Variants in BTF3 observed in about 807,000 individuals in gnomAD.
BTF3 encodes basic transcription factor 3.
A neutral mutation model predicts 23.9 loss-of-function variants in BTF3; 12 were observed. The ratio of observed to expected loss-of-function variants is 0.50; its 90% CI spans 0.32 to 0.81. The LOEUF is 0.81. Among genes scored for constraint, BTF3 ranks in the 40% least tolerant of loss-of-function variants. The pLI is 0.03. For missense variants in BTF3, 215 were observed against 255.9 expected (o/e 0.84, Z 1.09); for synonymous variants, 96 against 94.8 (o/e 1.01, Z -0.07).
chr5:73,500,919 G>T (rs1417219036), intron 2 of BTF3, among the ~76,000 whole-genome samples: 6 of 149,484 alleles, frequency 4.0e-5, no homozygotes, highest in African/African-American at 1.5e-4. Context: ...GGAGAGGTTA[G>T]TAACCAGTAC....
In BTF3 at chr5:73,498,643, C is replaced by A. The variant is rs924035735; in HGVS notation, c.-25C>A. On this transcript the variant is annotated 5_prime_UTR_variant, in exon 1 of 6. Coordinates refer to ENST00000380591, the MANE Select transcript of BTF3 (RefSeq NM_001037637.2). ...CCTGAAGGAGCGAGACAGGGAGGGA[C>A]AGGGCAGAGGAGGAGAGGAAGGCGA... is the stretch of plus-strand genomic sequence containing the variant. 1 of 1,480,000 alleles carries A rather than the reference C, an allele frequency of 6.8e-7. No individual in the cohort carries two copies. The highest frequency in any genetic ancestry group is 1.3e-5 in the South Asian group (1 of 74,430). 91.7% of individuals were successfully genotyped at this position (1,480,000 alleles called of 1,614,324 possible).
At position 73,503,074 on chromosome 5, in the gene BTF3, T is replaced by A. The variant is rs1318635089; in HGVS notation, c.474T>A (p.Ser158Arg). The stretch of plus-strand genomic sequence containing the variant: ...TCTTAAACCAGCTTGGTGCGGATAG[T>A]CTGACTAGTTTAAGGAGACTGGCCG... ...PSILNQLGADSLTSLRRLAEA... is the reference protein window; with the variant it reads ...PSILNQLGADRLTSLRRLAEA... Residue 158 changes from serine (S) to arginine (R), a missense_variant, in exon 4 of 6, where the codon AGT becomes AGA. Ser to Arg is a moderately radical substitution (Grantham distance 110, BLOSUM62 -1). Transcript: ENST00000380591. The A allele has an allele frequency of 1.9e-6, 3 of 1,614,070 alleles. No homozygotes were observed. The highest frequency in any genetic ancestry group is 2.2e-5 in the South Asian group (2 of 91,084).
At chr5:73,505,136 A>C in intron 5 of BTF3, 56 bp from the exon 6 acceptor site, 1 of 1,395,822 alleles carries the variant, frequency 7.2e-7, no homozygotes, top group Non-Finnish European at 1.0e-6. Flanking sequence ...TTAATATCTG[A>C]TAATTATTTG....
intron 4 of BTF3, among the ~76,000 whole-genome samples, chr5:73,503,441 T>C (rs1348250858): frequency 6.6e-6 from 1 of 152,210 alleles, no homozygotes. Flanking sequence ...AAAAAAAAAT[T>C]AGTGTAAATT....
At chr5:73,501,629 G>T (rs1330002854) in intron 2 of BTF3, among the ~76,000 whole-genome samples, 1 of 152,146 alleles carries the variant, frequency 6.6e-6, no homozygotes, top group Admixed American at 6.5e-5. Context: ...TTGGGTCATA[G>T]CCTGCTTGGC....
At chr5:73,503,366 T>TA (rs2111962956) in intron 4 of BTF3, among the ~76,000 whole-genome samples, 1 of 152,350 alleles carries the variant, frequency 6.6e-6, no homozygotes, top group South Asian at 2.1e-4. Context: ...GATACTTTAT[T>TA]AACTAGAAAT....
chr5:73,499,072 A>G (rs955961174), intron 1 of BTF3, 62 bp from the exon 2 acceptor site: 1 of 1,488,904 alleles, frequency 6.7e-7, no homozygotes, highest in Non-Finnish European at 9.2e-7. Context: ...TTGGGAAATA[A>G]CGAGCATGGA....
Position 73,498,794 on chromosome 5 carries a change from C to T in BTF3, c.127C>T (p.Pro43Ser). The T allele has an allele frequency of 2.0e-6, 3 of 1,507,724 alleles. No homozygotes were observed. Among genetic ancestry groups the T allele is most frequent in the South Asian group, 2.4e-5 (2 of 81,670 alleles). The allele number at this position is 1,507,724 out of a possible 1,614,324, so 93.4% of individuals were successfully genotyped here. Reference sequence around the variant, plus strand: ...TCGCGGCGGAACCCGAGGACAGGAGCCTCAGGTACCGCGAGGCTTGCGGAG... The same window carrying T: ...TCGCGGCGGAACCCGAGGACAGGAGTCTCAGGTACCGCGAGGCTTGCGGAG... Reference protein sequence around the residue: ...PPRGGTRGQEPQMKETIMNQE... With the variant: ...PPRGGTRGQESQMKETIMNQE... Residue 43 changes from proline (P) to serine (S), a missense_variant, in exon 1 of 6, where the codon CCT (proline) becomes TCT (serine). By Grantham distance (74) the Pro-to-Ser change is moderately conservative. Coordinates refer to ENST00000380591, the MANE Select transcript of BTF3 (RefSeq NM_001037637.2).
In BTF3 at chr5:73,502,174, A is replaced by C. The variant is rs915092940; in HGVS notation, c.202-314A>C. On this transcript the variant is annotated intron_variant, in intron 2 of 5. Coordinates refer to ENST00000380591, the MANE Select transcript of BTF3 (RefSeq NM_001037637.2). ...ACCCTGTCTCAAAAAAAAAAAAAAA[A>C]AAAAACAGAAGAGGTTAATAATTCT... Among the ~76,000 whole-genome samples, 6 of 151,996 alleles carry C rather than the reference A, an allele frequency of 3.9e-5. No homozygotes were observed. The East Asian group carries it at 7.7e-4, about 20-fold the overall frequency.
Position 73,505,330 on chromosome 5 carries a change from G to A in BTF3, c.*92G>A. 1.7e-6 allele frequency: 2 copies of A among 1,165,708 alleles called. No homozygotes were observed. Among genetic ancestry groups the A allele is most frequent in the Non-Finnish European group, 1.2e-6 (1 of 812,858 alleles). The allele number at this position is 1,165,708 out of a possible 1,614,324, so 72.2% of individuals were successfully genotyped here. A position where few individuals can be genotyped will look rare whatever the true frequency, so the allele number is the denominator to read the frequency against. On this transcript the variant is annotated 3_prime_UTR_variant, in exon 6 of 6. Coordinates refer to ENST00000380591, the MANE Select transcript of BTF3 (RefSeq NM_001037637.2). ...GCTTTTTAAGAAATTTTTGTTTATG[G>A]ATCTGATAAAATCTAGATCTCTAAT...
rs347233 is a variant in BTF3 at position 73,502,899 on chromosome 5, T to G, written c.316-17T>G. 0.41 allele frequency: 656,969 copies of G among 1,607,478 alleles called. 140,403 individuals carry two copies. Among genetic ancestry groups the G allele is most frequent in the Admixed American group, 0.56 (33,563 of 59,950 alleles). On this transcript the variant is annotated splice_polypyrimidine_tract_variant and intron_variant, in intron 3 of 5. Coordinates refer to ENST00000380591, the MANE Select transcript of BTF3 (RefSeq NM_001037637.2). The stretch of plus-strand genomic sequence containing the variant: ...ACTGGTCAGCATTGCTAATTTAAAT[T>G]TTTCTTTTCTTAATAGGTGAATATG...
At position 73,504,419 on chromosome 5, in the gene BTF3, T is replaced by A. The variant is rs1746510125; in HGVS notation, c.574+16T>A. 6.3e-7 allele frequency: 1 copy of A among 1,597,990 alleles called. No homozygotes were observed. Among genetic ancestry groups the A allele is most frequent in the Non-Finnish European group, 8.5e-7 (1 of 1,172,220 alleles). On this transcript the variant is annotated intron_variant, in intron 5 of 5. Transcript: ENST00000380591. ...GAAGTTCCAGGTAGGAACGTTTACT[T>A]GTGGTTAACCTAGAGAATCTTAGCA...
chr5:73,500,678 C>G (rs1268207421), intron 2 of BTF3, among the ~76,000 whole-genome samples: 1 of 152,112 alleles, frequency 6.6e-6, no homozygotes, highest in Non-Finnish European at 1.5e-5. Flanking sequence ...GTTAGGTGCT[C>G]TTAGGTAAAT....
chr5:73,502,846 G>A, intron 3 of BTF3, 70 bp from the exon 4 acceptor site: 19 of 1,498,726 alleles, frequency 1.3e-5, no homozygotes, highest in Non-Finnish European at 1.7e-5. Flanking sequence ...GCCAGACTTA[G>A]TTTAATAAAA....
chr5:73,505,331 A>T lies in BTF3; in HGVS notation c.*93A>T. The T allele has an allele frequency of 9.2e-7, 1 of 1,087,472 alleles. No individual in the cohort carries two copies. Among genetic ancestry groups the T allele is most frequent in the South Asian group, 1.4e-5 (1 of 70,952 alleles). 67.4% of individuals were successfully genotyped at this position (1,087,472 alleles called of 1,614,324 possible). A position where few individuals can be genotyped will look rare whatever the true frequency, so the allele number is the denominator to read the frequency against. On this transcript the variant is annotated 3_prime_UTR_variant, in exon 6 of 6. Transcript: ENST00000380591. ...CTTTTTAAGAAATTTTTGTTTATGGATCTGATAAAATCTAGATCTCTAATA... is the reference window on the plus strand; with the variant it reads ...CTTTTTAAGAAATTTTTGTTTATGGTTCTGATAAAATCTAGATCTCTAATA...
chr5:73,505,124 T>G, intron 5 of BTF3, 68 bp from the exon 6 acceptor site: 1 of 1,305,922 alleles, frequency 7.7e-7, no homozygotes, highest in Non-Finnish European at 1.1e-6. Context: ...CTTCATCCCC[T>G]TTTAATATCT....
chr5:73,504,431 A>G (rs1183558451), intron 5 of BTF3, 28 bp downstream of exon 5: 9 of 1,574,986 alleles, frequency 5.7e-6, no homozygotes, highest in Non-Finnish European at 4.3e-6. Flanking sequence ...TGGTTAACCT[A>G]GAGAATCTTA....
chr5:73,502,357 T>G (rs1746457219), intron 2 of BTF3, 131 bp from the exon 3 acceptor site: 3 of 605,254 alleles, frequency 5.0e-6, no homozygotes, highest in African/African-American at 3.8e-5. Flanking sequence ...GCTCACTGCA[T>G]AAGTTTATGA....
Position 73,505,575 on chromosome 5 carries a change from T to G in BTF3, c.*337T>G, listed in dbSNP as rs1746538849. On this transcript the variant is annotated 3_prime_UTR_variant, in exon 6 of 6. Transcript: ENST00000380591. ...TGCTTATAGAAAGCTAATCATGGCA[T>G]GTAATATGGCTGATAACCTTTGGAA... 5.8e-6 allele frequency: 1 copy of G among 170,956 alleles called. No homozygotes were observed. Among genetic ancestry groups the G allele is most frequent in the Non-Finnish European group, 1.2e-5 (1 of 80,614 alleles). 10.6% of individuals were successfully genotyped at this position (170,956 alleles called of 1,614,324 possible).
Sources: allele counts gnomAD v4.1 joint callset (sites outside exome capture counted in the v4.1 genomes callset), GRCh38; gene constraint gnomAD v4.1.1; transcripts MANE v1.5; gene names NCBI Gene and HGNC (gene_info 2026-07-23, HGNC 2026-07-21).